The following TYW1 variants were observed in gnomAD, a reference collection of about 807,000 sequenced individuals.
TYW1 encodes the protein tRNA-yW synthesizing protein 1 homolog, also known as S-adenosyl-L-methionine-dependent tRNA 4-demethylwyosine synthase TYW1.
A neutral mutation model predicts 96.2 loss-of-function variants in TYW1; 46 were observed. The observed-to-expected ratio is 0.48, with a 90% CI of 0.38 to 0.61. The LOEUF is 0.61. TYW1 is among the 20% of genes least tolerant of loss of function. The probability of loss-of-function intolerance (pLI) is 0.00; values close to 1 mark genes in which losing one functional copy is unlikely to be tolerated. For synonymous variants in TYW1, 274 were observed against 323.0 expected, an observed-to-expected ratio of 0.85 and a Z score of 1.63; for missense variants, 684 against 909.6, an observed-to-expected ratio of 0.75 and a Z score of 3.19.
intron 15 of TYW1, among the ~76,000 whole-genome samples, chr7:67,218,600 A>G (rs1801278431): frequency 6.6e-6 from 1 of 151,968 alleles, no homozygotes; most frequent in Non-Finnish European, 1.5e-5. Flanking sequence ...CAATCTGCCC[A>G]CCTCGGCCTT....
rs906287894 is a variant in TYW1 at position 67,058,949 on chromosome 7, G to GCT, written c.1155+3067_1155+3068dup. ...CAACCTGAATAACAAACAGAGAGGGGCTCTCTAGAAGAAAATGATGGTTAT... is the reference window on the plus strand; with the variant it reads ...CAACCTGAATAACAAACAGAGAGGGGCTCTCTCTAGAAGAAAATGATGGTTAT... On this transcript the variant is annotated intron_variant, in intron 9 of 15. Coordinates refer to ENST00000359626, the MANE Select transcript of TYW1 (RefSeq NM_018264.4). Among the ~76,000 whole-genome samples, 14 of 152,184 alleles carry GCT rather than the reference G, an allele frequency of 9.2e-5. 1 individual carries two copies. In the South Asian group the frequency reaches 1.9e-3, roughly 20 times the overall value.
At chr7:67,200,039 C>T (rs1184005120) in intron 15 of TYW1, among the ~76,000 whole-genome samples, 1 of 152,294 alleles carries the variant, frequency 6.6e-6, no homozygotes, top group East Asian at 1.9e-4. Context: ...GTTGTTACTG[C>T]TGCTTTTATT....
chr7:67,105,059 G>A (rs1362228135), intron 12 of TYW1, among the ~76,000 whole-genome samples: 1 of 152,256 alleles, frequency 6.6e-6, no homozygotes, highest in East Asian at 1.9e-4. Flanking sequence ...TTATCACAGG[G>A]TGGCAGGGTT....
At chr7:67,165,820 T>C (rs1308445938) in intron 13 of TYW1, among the ~76,000 whole-genome samples, 1 of 151,876 alleles carries the variant, frequency 6.6e-6, no homozygotes, top group Non-Finnish European at 1.5e-5. Flanking sequence ...GTCCCAGCTG[T>C]TTGGGGGGCT....
intron 11 of TYW1, among the ~76,000 whole-genome samples, chr7:67,092,556 T>G (rs550949814): frequency 1.3e-4 from 20 of 152,138 alleles, no homozygotes; most frequent in Non-Finnish European, 2.1e-4. Context: ...ACTCTCCTTT[T>G]CAGCAAGACT....
intron 13 of TYW1, among the ~76,000 whole-genome samples, chr7:67,147,281 A>G (rs922218617): frequency 9.2e-5 from 14 of 152,248 alleles, no homozygotes; most frequent in African/African-American, 2.9e-4. Flanking sequence ...ATATTGGAGA[A>G]TGTGCATAGG....
chr7:67,078,487 A>G (rs1796273865), intron 10 of TYW1, among the ~76,000 whole-genome samples: 2 of 152,226 alleles, frequency 1.3e-5, no homozygotes, highest in South Asian at 4.1e-4. Flanking sequence ...TAATGGTTCC[A>G]TGTGATTTTT....
chr7:67,025,857 A>G (rs537642418), intron 7 of TYW1, among the ~76,000 whole-genome samples: 1 of 152,270 alleles, frequency 6.6e-6, no homozygotes, highest in Admixed American at 6.5e-5. Flanking sequence ...TATGTAGTCC[A>G]TAAGCCTTAA....
intron 7 of TYW1, among the ~76,000 whole-genome samples, chr7:67,036,903 C>G (rs1227072859): frequency 6.6e-6 from 1 of 152,174 alleles, no homozygotes; most frequent in African/African-American, 2.4e-5. Flanking sequence ...ACAGAGGGAT[C>G]AAGTGCAGCT....
At position 67,218,404 on chromosome 7, in the gene TYW1, AGT is replaced by A. The variant is rs770301682; in HGVS notation, c.1978-19902_1978-19901del. The stretch of plus-strand genomic sequence containing the variant: ...AGTCTCGCCCTGTTGCTCAGGCTCT[AGT>A]GCAGTGGCATGGTCTCAACTTGGTG... On this transcript the variant is annotated intron_variant, in intron 15 of 15. Coordinates refer to ENST00000359626, the MANE Select transcript of TYW1 (RefSeq NM_018264.4). 4.7e-5 allele frequency among the ~76,000 whole-genome samples: 7 copies of A among 150,222 alleles called. No homozygotes were observed. In the South Asian group the frequency reaches 1.1e-3, roughly 23 times the overall value.
chr7:67,026,981 TTGAGG>T (rs1794472173), intron 7 of TYW1, among the ~76,000 whole-genome samples: 3 of 152,214 alleles, frequency 2.0e-5, no homozygotes, highest in African/African-American at 7.2e-5. Flanking sequence ...GGAGGATTTC[TTGAGG>T]CCAGAAGTTT....
intron 11 of TYW1, among the ~76,000 whole-genome samples, chr7:67,096,630 T>C (rs534677882): frequency 1.1e-4 from 17 of 151,354 alleles, no homozygotes; most frequent in African/African-American, 4.1e-4. Flanking sequence ...GTTTGTTACA[T>C]AGGTAAACTT....
Position 67,025,024 on chromosome 7 carries a change from T to C in TYW1, c.984+2T>C, listed in dbSNP as rs1332613958. ...ATGGATCATGTGAAGAAAGAAAAGG[T>C]ACCGTTACTTTGGGAAATGTTGCAC... On this transcript the variant is annotated splice_donor_variant, in intron 7 of 15. Coordinates refer to ENST00000359626, the MANE Select transcript of TYW1 (RefSeq NM_018264.4). LOFTEE classifies it high-confidence loss of function. The C allele has an allele frequency of 6.2e-7, 1 of 1,613,556 alleles. No individual in the cohort carries two copies. The highest frequency in any genetic ancestry group is 1.3e-5 in the African/African-American group (1 of 74,914).
chr7:67,173,521 C>G (rs529809460), intron 13 of TYW1, among the ~76,000 whole-genome samples: 1 of 152,334 alleles, frequency 6.6e-6, no homozygotes, highest in Admixed American at 6.5e-5. Flanking sequence ...CACACAACAT[C>G]TGGTTGTTAA....
At chr7:67,051,334 G>T (rs767475969) in intron 8 of TYW1, among the ~76,000 whole-genome samples, 2 of 151,436 alleles carry the variant, frequency 1.3e-5, no homozygotes, top group Non-Finnish European at 2.9e-5. Context: ...GTTGAGTCGG[G>T]TCTTGCTCTT....
intron 15 of TYW1, among the ~76,000 whole-genome samples, chr7:67,200,780 C>T (rs1217113011): frequency 2.6e-5 from 4 of 152,128 alleles, no homozygotes; most frequent in Non-Finnish European, 5.9e-5. Flanking sequence ...TACTTGGTCC[C>T]ATCAGGAGAG....
At chr7:67,222,996 C>T (rs963728850) in intron 15 of TYW1, among the ~76,000 whole-genome samples, 26 of 150,818 alleles carry the variant, frequency 1.7e-4, no homozygotes, top group African/African-American at 2.4e-4. Context: ...TCAGTTATTA[C>T]ACTTTTTAGT....
Position 67,213,072 on chromosome 7 carries a change from G to A in TYW1, c.1977+17735G>A, listed in dbSNP as rs2421423. 5.3e-4 allele frequency among the ~76,000 whole-genome samples: 80 copies of A among 151,950 alleles called. 2 individuals are homozygous for A. The East Asian group carries it at 0.014, about 26-fold the overall frequency. ...ATTTTTAGTAGAAACAGGGCTTCACGATGTTAGCCAGGCTAGTCTCGAACT... is the reference window on the plus strand; with the variant it reads ...ATTTTTAGTAGAAACAGGGCTTCACAATGTTAGCCAGGCTAGTCTCGAACT... On this transcript the variant is annotated intron_variant, in intron 15 of 15. Coordinates refer to ENST00000359626, the MANE Select transcript of TYW1 (RefSeq NM_018264.4).
chr7:67,152,829 G>T (rs1267823050), intron 13 of TYW1, among the ~76,000 whole-genome samples: 1 of 152,132 alleles, frequency 6.6e-6, no homozygotes, highest in African/African-American at 2.4e-5. Flanking sequence ...TTGAACTCCT[G>T]ACCTCTGGTG....
Sources: gnomAD v4.1 joint callset for allele counts (sites outside exome capture counted in the v4.1 genomes callset) on GRCh38, gnomAD v4.1.1 for gene constraint, MANE v1.5 for transcripts, NCBI Gene and HGNC (gene_info 2026-07-23, HGNC 2026-07-21) for gene names.